STXBP5: variants seen among roughly 807,000 people sequenced by gnomAD.
STXBP5 encodes the protein syntaxin-binding protein 5.
STXBP5 carries 50 observed loss-of-function variants against 152.4 expected under a neutral mutation model. The ratio of observed to expected loss-of-function variants is 0.33; its 90% CI spans 0.26 to 0.42. STXBP5 has a LOEUF of 0.42. Among genes scored for constraint, STXBP5 ranks in the 10% least tolerant of loss-of-function variants. STXBP5 has a pLI of 1.00. For synonymous variants in STXBP5, 492 were observed against 494.7 expected (o/e 0.99, Z 0.07); for missense variants, 1,167 against 1,388.6 (o/e 0.84, Z 2.54).
At chr6:147,277,416 G>GT (rs1211144574) in intron 7 of STXBP5, among the ~76,000 whole-genome samples, 2 of 151,910 alleles carry the variant, frequency 1.3e-5, no homozygotes, top group South Asian at 2.1e-4. Flanking sequence ...GATTTAAAAA[G>GT]TTTTTTTTAC....
rs1357271158 is a variant in STXBP5, at chr6:147,388,493, CTTG to C, written c.*3741_*3743del. 1 of 151,288 alleles carries C rather than the reference CTTG, an allele frequency of 6.6e-6. No homozygotes were observed. 9.4% of individuals were successfully genotyped at this position (151,288 alleles called of 1,614,324 possible). On this transcript the variant is annotated 3_prime_UTR_variant, in exon 28 of 28. Transcript: ENST00000321680. ...TGTACTTTAATTTTAAAATGGTGAACTTGTTAAGTTTAAGTCAAAGTACTTAAA... is the reference window on the plus strand; with the variant it reads ...TGTACTTTAATTTTAAAATGGTGAACTTAAGTTTAAGTCAAAGTACTTAAA...
intron 8 of STXBP5, among the ~76,000 whole-genome samples, chr6:147,289,972 G>A (rs1366783388): frequency 1.3e-5 from 2 of 152,142 alleles, no homozygotes; most frequent in Non-Finnish European, 2.9e-5. Flanking sequence ...AGACTGCGGC[G>A]GGCAGCTCCC....
chr6:147,326,995 T>C (rs1783292402), intron 17 of STXBP5, 130 bp from the exon 18 acceptor site: 1 of 735,406 alleles, frequency 1.4e-6, no homozygotes, highest in Admixed American at 3.1e-5. Context: ...TCAGTTCCTA[T>C]AGTTGTCTTT....
At position 147,358,328 on chromosome 6, in the gene STXBP5, T is replaced by C. The variant is rs756641565; in HGVS notation, c.2306-756T>C. 2.5e-4 allele frequency among the ~76,000 whole-genome samples: 38 copies of C among 152,170 alleles called. 2 individuals carry two copies. In the Middle Eastern group the frequency reaches 0.02, roughly 82 times the overall value. On this transcript the variant is annotated intron_variant, in intron 22 of 27. Coordinates refer to ENST00000321680, the MANE Select transcript of STXBP5 (RefSeq NM_001127715.4). ...CACATTTGTCACACTCTACCAGTCA[T>C]GGATTGTATTACCAAAGGAAGGCAC...
chr6:147,306,026 T>C (rs1280179612), intron 9 of STXBP5, among the ~76,000 whole-genome samples: 2 of 152,208 alleles, frequency 1.3e-5, no homozygotes, highest in East Asian at 1.9e-4. Flanking sequence ...TTGAATAATA[T>C]AGGTACTAAT....
chr6:147,353,427 G>A (rs1274926801), intron 22 of STXBP5, 54 bp downstream of exon 22: 8 of 1,234,468 alleles, frequency 6.5e-6, no homozygotes, highest in Non-Finnish European at 8.9e-6. Flanking sequence ...GGAAGACAAG[G>A]AAATCAGAAA....
intron 25 of STXBP5, among the ~76,000 whole-genome samples, chr6:147,369,868 T>G (rs2128417142): frequency 6.6e-6 from 1 of 152,078 alleles, no homozygotes; most frequent in Admixed American, 6.5e-5. Flanking sequence ...GGAAAACAAT[T>G]CTGGAGTTTT....
intron 3 of STXBP5, 21 bp downstream of exon 3, chr6:147,235,352 A>T (rs1473663092): frequency 6.3e-7 from 1 of 1,596,666 alleles, no homozygotes; most frequent in Admixed American, 1.7e-5. Context: ...TGTTTTAATC[A>T]TTTCTACTTA....
intron 6 of STXBP5, among the ~76,000 whole-genome samples, chr6:147,264,349 A>G (rs1779784475): frequency 6.6e-6 from 1 of 152,114 alleles, no homozygotes; most frequent in South Asian, 2.1e-4. Flanking sequence ...CTATGTTTCA[A>G]GCACTGTGCT....
rs1035401459 is a variant in STXBP5 at position 147,388,805 on chromosome 6, T to G, written c.*4050T>G. On this transcript the variant is annotated 3_prime_UTR_variant, in exon 28 of 28. Transcript: ENST00000321680. ...GCCTACCTTAACTATTGTTTTAAAA[T>G]ATAGATATATATATATATATTTAAA... 3 of 149,474 alleles carry G rather than the reference T, an allele frequency of 2.0e-5. No individual in the cohort carries two copies. The highest frequency in any genetic ancestry group is 7.3e-5 in the African/African-American group (3 of 41,028). 9.3% of individuals were successfully genotyped at this position (149,474 alleles called of 1,614,324 possible).
At chr6:147,316,768 G>T (rs200843159) in intron 16 of STXBP5, among the ~76,000 whole-genome samples, 3 of 151,472 alleles carry the variant, frequency 2.0e-5, no homozygotes, top group East Asian at 3.9e-4. Flanking sequence ...TGAAAATTCT[G>T]TTTAAGTCTT....
chr6:147,230,575 A>G (rs1777949971), intron 2 of STXBP5, among the ~76,000 whole-genome samples: 1 of 151,958 alleles, frequency 6.6e-6, no homozygotes, highest in Non-Finnish European at 1.5e-5. Flanking sequence ...GATTATAAAT[A>G]TATGTTCCTT....
chr6:147,233,450 A>G (rs1778105457), intron 2 of STXBP5, among the ~76,000 whole-genome samples: 1 of 151,782 alleles, frequency 6.6e-6, no homozygotes, highest in Non-Finnish European at 1.5e-5. Flanking sequence ...AAGATTAGCA[A>G]TATTATGTAT....
rs1325502962 is a variant in STXBP5, at chr6:147,268,377, GTTGT to G, written c.714+1213_714+1216del. Among the ~76,000 whole-genome samples, 4 of 152,222 alleles carry G rather than the reference GTTGT, an allele frequency of 2.6e-5. No homozygotes were observed. In the East Asian group the frequency reaches 5.8e-4, roughly 22 times the overall value. On this transcript the variant is annotated intron_variant, in intron 7 of 27. Coordinates refer to ENST00000321680, the MANE Select transcript of STXBP5 (RefSeq NM_001127715.4). Reference sequence around the variant, plus strand: ...GCTATATCTAGGAAATGTGTAAGTGGTTGTTTAAGATAAAATACATCATAATCTT... The same window carrying G: ...GCTATATCTAGGAAATGTGTAAGTGGTTAAGATAAAATACATCATAATCTT...
intron 9 of STXBP5, among the ~76,000 whole-genome samples, chr6:147,294,538 G>A (rs917980206): frequency 1.3e-5 from 2 of 151,808 alleles, no homozygotes; most frequent in Admixed American, 6.6e-5. Flanking sequence ...TTCACTTATC[G>A]TGCTTCCACA....
chr6:147,338,731 A>AATATATAGTTTTAAACTAC (rs55846257), intron 19 of STXBP5, among the ~76,000 whole-genome samples: 5,325 of 150,410 alleles, frequency 0.035, 147 homozygotes, highest in Admixed American at 0.053. Context: ...TAGTAGAATG[A>AATATATAGTTTTAAACTAC]ATATATAGTT....
chr6:147,226,315 A>G (rs1198851927), intron 2 of STXBP5, among the ~76,000 whole-genome samples: 1 of 151,410 alleles, frequency 6.6e-6, no homozygotes, highest in Admixed American at 6.6e-5. Flanking sequence ...AAAAAAAAAG[A>G]TATTACTGGA....
At chr6:147,306,477 C>T (rs1236522319) in intron 9 of STXBP5, among the ~76,000 whole-genome samples, 1 of 152,182 alleles carries the variant, frequency 6.6e-6, no homozygotes, top group Non-Finnish European at 1.5e-5. Context: ...AGGAAAAGTA[C>T]ATCTGTCAAT....
chr6:147,373,723 T>A lies in STXBP5; in HGVS notation c.3082-8T>A, dbSNP rs1346897409. 6.2e-7 allele frequency: 1 copy of A among 1,607,206 alleles called. No individual in the cohort carries two copies. Among genetic ancestry groups the A allele is most frequent in the Non-Finnish European group, 8.5e-7 (1 of 1,174,938 alleles). ...TTTCAACAGTGACAATTTGTTTTGA[T>A]TTTAAAGGAAATGTTGGGTGAACTC... On this transcript the variant is annotated splice_polypyrimidine_tract_variant and splice_region_variant and intron_variant, in intron 25 of 27. Coordinates refer to ENST00000321680, the MANE Select transcript of STXBP5 (RefSeq NM_001127715.4).
Sources: gnomAD v4.1 joint callset for allele counts (sites outside exome capture counted in the v4.1 genomes callset) on GRCh38, gnomAD v4.1.1 for gene constraint, MANE v1.5 for transcripts, NCBI Gene and HGNC (gene_info 2026-07-23, HGNC 2026-07-21) for gene names.